The following LNPK variants were observed in gnomAD, a reference collection of about 807,000 sequenced individuals.
LNPK encodes the protein endoplasmic reticulum junction formation protein lunapark.
A neutral mutation model predicts 55.2 loss-of-function variants in LNPK; 29 were observed. That is an observed-to-expected ratio of 0.53 (90% confidence interval 0.39 to 0.72). LNPK has a LOEUF of 0.72. Among genes scored for constraint, LNPK ranks in the 30% least tolerant of loss-of-function variants. LNPK has a pLI of 0.00. For synonymous variants in LNPK, 162 were observed against 168.2 expected (o/e 0.96, Z 0.29); for missense variants, 467 against 494.8 (o/e 0.94, Z 0.53).
chr2:175,994,169 T>TATC (rs1687828180), intron 2 of LNPK: 1 of 979,356 alleles, frequency 1.0e-6, no homozygotes, highest in African/African-American at 1.7e-5. Context: ...GGGTAATGAA[T>TATC]ATCAGTTCAT....
chr2:175,971,583 AATT>A (rs1686665740), intron 5 of LNPK, among the ~76,000 whole-genome samples: 1 of 152,178 alleles, frequency 6.6e-6, no homozygotes, highest in Non-Finnish European at 1.5e-5. Flanking sequence ...TTATAAATAA[AATT>A]ATTACTTCTT....
chr2:175,931,988 A>C, intron 12 of LNPK: 1 of 316,934 alleles, frequency 3.2e-6, no homozygotes, highest in Non-Finnish European at 6.3e-6. Context: ...CTTGGCAAGA[A>C]CTTCACAATT....
chr2:175,968,670 C>T (rs1451758218), intron 6 of LNPK, among the ~76,000 whole-genome samples: 4 of 152,166 alleles, frequency 2.6e-5, no homozygotes, highest in Non-Finnish European at 4.4e-5. Flanking sequence ...TGTTAAGATG[C>T]TCTTTCCTAA....
chr2:175,976,022 G>A (rs866476701), intron 5 of LNPK, among the ~76,000 whole-genome samples: 152 of 152,012 alleles, frequency 1.0e-3, no homozygotes, highest in African/African-American at 3.2e-3. Context: ...CAAAAAAAAA[G>A]AAAGAAAGAA....
At chr2:175,976,214 A>G (rs1310955886) in intron 5 of LNPK, among the ~76,000 whole-genome samples, 1 of 152,236 alleles carries the variant, frequency 6.6e-6, no homozygotes, top group African/African-American at 2.4e-5. Flanking sequence ...AATTTTAAGC[A>G]AAAGACACAC....
chr2:175,964,288 G>T, intron 8 of LNPK, 84 bp downstream of exon 8: 1 of 1,067,702 alleles, frequency 9.4e-7, no homozygotes, highest in Non-Finnish European at 1.4e-6. Context: ...ATAAGTTTTT[G>T]CACACCTCCA....
intron 8 of LNPK, among the ~76,000 whole-genome samples, chr2:175,952,143 G>C (rs575769583): frequency 1.3e-5 from 2 of 151,984 alleles, no homozygotes; most frequent in African/African-American, 4.8e-5. Context: ...CTTAATATGA[G>C]TGTTGGCAAA....
At chr2:175,979,597 TAAA>T (rs377096584) in intron 5 of LNPK, among the ~76,000 whole-genome samples, 1 of 150,780 alleles carries the variant, frequency 6.6e-6, no homozygotes. Flanking sequence ...TTGTTTTGTG[TAAA>T]AAAAAATCTA....
At chr2:175,963,775 C>T (rs1431121649) in intron 8 of LNPK, among the ~76,000 whole-genome samples, 4 of 151,410 alleles carry the variant, frequency 2.6e-5, no homozygotes, top group Non-Finnish European at 5.9e-5. Flanking sequence ...AATATCTTTT[C>T]CCATGCCAGT....
chr2:175,935,785 C>T, intron 12 of LNPK: 1 of 955,752 alleles, frequency 1.0e-6, no homozygotes, highest in Non-Finnish European at 1.2e-6. Context: ...TGGGGTATTG[C>T]TCCTCCTAGA....
intron 1 of LNPK, among the ~76,000 whole-genome samples, chr2:175,998,005 G>A (rs1688011257): frequency 6.6e-6 from 1 of 151,680 alleles, no homozygotes; most frequent in African/African-American, 2.4e-5. Flanking sequence ...GTCTCTCAAA[G>A]TGCTGGGGAT....
intron 9 of LNPK, among the ~76,000 whole-genome samples, chr2:175,939,997 CAG>C (rs1684744530): frequency 6.6e-6 from 1 of 152,016 alleles, no homozygotes; most frequent in Non-Finnish European, 1.5e-5. Context: ...GATAGTAAAT[CAG>C]GGGACTTCCA....
intron 8 of LNPK, among the ~76,000 whole-genome samples, chr2:175,963,447 T>C (rs1267954567): frequency 1.3e-5 from 2 of 151,748 alleles, no homozygotes; most frequent in Non-Finnish European, 2.9e-5. Context: ...CAGTAAACTA[T>C]CACAAGAACA....
At chr2:175,994,015 T>A (rs1220748907) in intron 2 of LNPK, 1 of 213,472 alleles carries the variant, frequency 4.7e-6, no homozygotes, top group Non-Finnish European at 8.0e-6. Context: ...AGATCAGATT[T>A]TAAAAGGACA....
intron 2 of LNPK, among the ~76,000 whole-genome samples, chr2:175,994,787 T>A (rs1687856624): frequency 6.6e-6 from 1 of 152,128 alleles, no homozygotes; most frequent in African/African-American, 2.4e-5. Flanking sequence ...TCCAATAAAA[T>A]CAAACTGCAT....
chr2:175,990,487 A>G (rs976079949), intron 4 of LNPK, among the ~76,000 whole-genome samples: 2 of 152,186 alleles, frequency 1.3e-5, no homozygotes, highest in African/African-American at 4.8e-5. Context: ...ATTTCTTTAT[A>G]AACTACCCAG....
At chr2:175,966,191 G>C (rs923043671) in intron 6 of LNPK, among the ~76,000 whole-genome samples, 4 of 152,122 alleles carry the variant, frequency 2.6e-5, no homozygotes, top group African/African-American at 4.8e-5. Flanking sequence ...AGGCTCCCAA[G>C]TAGCTAGGAT....
intron 5 of LNPK, among the ~76,000 whole-genome samples, chr2:175,974,480 T>C (rs1686798064): frequency 1.3e-5 from 2 of 152,194 alleles, no homozygotes; most frequent in African/African-American, 4.8e-5. Context: ...ATTCTGCTAT[T>C]GTAGGATGAA....
intron 12 of LNPK, among the ~76,000 whole-genome samples, chr2:175,936,627 T>G (rs995717409): frequency 1.3e-5 from 2 of 152,142 alleles, no homozygotes; most frequent in South Asian, 4.1e-4. Flanking sequence ...CAAGTATTAA[T>G]ACTGTAGCAA....
Sources: allele counts gnomAD v4.1 joint callset (sites outside exome capture counted in the v4.1 genomes callset), GRCh38; gene constraint gnomAD v4.1.1; transcripts MANE v1.5; gene names NCBI Gene and HGNC (gene_info 2026-07-23, HGNC 2026-07-21).